Variants in ARHGAP28 observed in about 807,000 individuals in gnomAD.
The protein encoded by ARHGAP28 is Rho GTPase activating protein 28.
In ARHGAP28, 56 loss-of-function variants were observed where a neutral mutation model predicts 90.7. That is an observed-to-expected ratio of 0.62 (90% confidence interval 0.50 to 0.77). The LOEUF (loss-of-function observed/expected upper bound fraction) is 0.77, where lower values mean the gene tolerates loss of function less well. ARHGAP28 is among the 30% of genes least tolerant of loss of function. ARHGAP28 has a pLI of 0.00. For missense variants in ARHGAP28, 869 were observed against 900.9 expected (o/e 0.96, Z 0.45); for synonymous variants, 308 against 323.3 (o/e 0.95, Z 0.51).
chr18:6,830,133 T>A (rs1218091851), intron 2 of ARHGAP28, among the ~76,000 whole-genome samples: 1 of 152,230 alleles, frequency 6.6e-6, no homozygotes, highest in Non-Finnish European at 1.5e-5. Context: ...TACTCCAGTA[T>A]GACCTCATCT....
In ARHGAP28 at chr18:6,896,600, A is replaced by G. The variant is rs542709498; in HGVS notation, c.2004A>G (p.Ile668Met). Residue 668 changes from isoleucine (I) to methionine (M), a missense_variant, in exon 16 of 18, where the codon ATA becomes ATG. Coordinates refer to ENST00000383472, the MANE Select transcript of ARHGAP28 (RefSeq NM_001366230.1). Reference protein sequence around the residue: ...QLNNQTKAKDILAKFQYENSH... With the variant: ...QLNNQTKAKDMLAKFQYENSH... ...ACAATCAAACCAAAGCCAAAGACAT[A>G]TTGGCAAAATTTCAATATGAAAACA... The G allele has an allele frequency of 6.2e-7, 1 of 1,614,126 alleles. No homozygotes were observed. Among genetic ancestry groups the G allele is most frequent in the South Asian group, 1.1e-5 (1 of 91,078 alleles).
chr18:6,742,243 T>C (rs949783615), intron 1 of ARHGAP28, among the ~76,000 whole-genome samples: 3 of 151,288 alleles, frequency 2.0e-5, no homozygotes, highest in African/African-American at 7.3e-5. Flanking sequence ...CTTGGCTCAC[T>C]GCAACCTCAA....
chr18:6,752,515 T>A (rs896595134), intron 1 of ARHGAP28, among the ~76,000 whole-genome samples: 4 of 152,228 alleles, frequency 2.6e-5, no homozygotes, highest in African/African-American at 9.6e-5. Flanking sequence ...TCTCACAATC[T>A]TTTTGTGTCT....
At chr18:6,740,781 A>G (rs949457328) in intron 1 of ARHGAP28, among the ~76,000 whole-genome samples, 1 of 152,244 alleles carries the variant, frequency 6.6e-6, no homozygotes, top group Non-Finnish European at 1.5e-5. Context: ...AGTCATGAGT[A>G]AGGATAGCCA....
intron 1 of ARHGAP28, among the ~76,000 whole-genome samples, chr18:6,811,904 T>C (rs16950617): frequency 0.013 from 1,955 of 152,322 alleles, 37 homozygotes; most frequent in African/African-American, 0.045. Flanking sequence ...AAACTTTTTT[T>C]CTCAACTATA....
At chr18:6,805,674 C>CG (rs2056513791) in intron 1 of ARHGAP28, among the ~76,000 whole-genome samples, 1 of 150,186 alleles carries the variant, frequency 6.7e-6, no homozygotes, top group Non-Finnish European at 1.5e-5. Context: ...TTAGTAGAGA[C>CG]GGGGTTTCAC....
intron 3 of ARHGAP28, among the ~76,000 whole-genome samples, chr18:6,841,443 T>A (rs899290959): frequency 1.5e-4 from 22 of 151,710 alleles, no homozygotes; most frequent in African/African-American, 4.8e-4. Flanking sequence ...ACTTATCTAG[T>A]AAGGATATAA....
chr18:6,745,713 C>T (rs752936326), intron 1 of ARHGAP28, among the ~76,000 whole-genome samples: 1 of 152,202 alleles, frequency 6.6e-6, no homozygotes, highest in Non-Finnish European at 1.5e-5. Flanking sequence ...GCCATCACAG[C>T]ATGTATGATT....
At chr18:6,882,886 A>C (rs947769743) in intron 11 of ARHGAP28, among the ~76,000 whole-genome samples, 9 of 152,200 alleles carry the variant, frequency 5.9e-5, no homozygotes, top group Admixed American at 2.6e-4. Context: ...CAAAAATTAT[A>C]AAGTGTGTGT....
chr18:6,861,803 GTCAT>G (rs1280770765), intron 5 of ARHGAP28, among the ~76,000 whole-genome samples: 2 of 152,128 alleles, frequency 1.3e-5, no homozygotes, highest in African/African-American at 2.4e-5. Context: ...GGTTCATTCA[GTCAT>G]TCATTCAGCA....
intron 10 of ARHGAP28, among the ~76,000 whole-genome samples, chr18:6,878,042 A>G (rs1448297609): frequency 6.6e-6 from 1 of 152,138 alleles, no homozygotes; most frequent in Non-Finnish European, 1.5e-5. Flanking sequence ...TGCATAATGC[A>G]TATGATTTAA....
chr18:6,797,687 A>T (rs6506441), intron 1 of ARHGAP28, among the ~76,000 whole-genome samples: 2 of 151,256 alleles, frequency 1.3e-5, no homozygotes, highest in Admixed American at 6.6e-5. Context: ...TTTAAGTCGC[A>T]GTCTCACTCT....
At chr18:6,909,808 C>A (rs1370001304) in intron 17 of ARHGAP28, among the ~76,000 whole-genome samples, 8 of 152,090 alleles carry the variant, frequency 5.3e-5, no homozygotes, top group Admixed American at 5.2e-4. Context: ...ATCCTCACAG[C>A]CCCATGGGTG....
rs376217018 is a variant in ARHGAP28 at position 6,887,246 on chromosome 18, C to T, written c.1536+7C>T. 67 of 1,613,344 alleles carry T rather than the reference C, an allele frequency of 4.2e-5. No homozygotes were observed. The African/African-American group carries it at 4.9e-4, about 12-fold the overall frequency. ...CAACAGAGATGCAGCTCAGGTACGT[C>T]GTGTCCACCTCACAGCTTGTCCTGG... On this transcript the variant is annotated splice_region_variant and intron_variant, in intron 12 of 17. Transcript: ENST00000383472.
intron 12 of ARHGAP28, 64 bp downstream of exon 12, chr18:6,887,303 T>C: frequency 6.7e-7 from 1 of 1,495,268 alleles, no homozygotes; most frequent in African/African-American, 1.4e-5. Context: ...ATGGCTCATA[T>C]AGGAAAATGA....
intron 4 of ARHGAP28, among the ~76,000 whole-genome samples, chr18:6,856,361 G>A (rs1294630606): frequency 2.0e-5 from 3 of 152,090 alleles, no homozygotes; most frequent in South Asian, 2.1e-4. Flanking sequence ...ATTCAAAGCA[G>A]CAATGGCCCT....
chr18:6,859,794 A>G lies in ARHGAP28; in HGVS notation c.637-14A>G, dbSNP rs2056983324. On this transcript the variant is annotated splice_polypyrimidine_tract_variant and intron_variant, in intron 4 of 17. Transcript: ENST00000383472. The stretch of plus-strand genomic sequence containing the variant: ...TTGCCTGAATAAGAATGGTACTTTT[A>G]TTTCTCCATTTAGCCAGATGATGCT... 1 of 1,611,654 alleles carries G rather than the reference A, an allele frequency of 6.2e-7. No homozygotes were observed.
chr18:6,882,456 T>C, intron 11 of ARHGAP28, 157 bp downstream of exon 11: 1 of 631,104 alleles, frequency 1.6e-6, no homozygotes, highest in Non-Finnish European at 2.5e-6. Flanking sequence ...AGTCACCTAC[T>C]TACATACTTA....
At chr18:6,784,936 C>T in intron 1 of ARHGAP28, among the ~76,000 whole-genome samples, 1 of 152,198 alleles carries the variant, frequency 6.6e-6, no homozygotes, top group East Asian at 1.9e-4. Flanking sequence ...GGAGTCAGAG[C>T]TGTTTGTACT....
Sources: gnomAD v4.1 joint callset for allele counts (sites outside exome capture counted in the v4.1 genomes callset) on GRCh38, gnomAD v4.1.1 for gene constraint, MANE v1.5 for transcripts, NCBI Gene and HGNC (gene_info 2026-07-23, HGNC 2026-07-21) for gene names.